Variants in PCDHGA2 observed in about 807,000 individuals in gnomAD.
PCDHGA2 encodes protocadherin gamma-A2.
PCDHGA2 carries 40 observed loss-of-function variants against 59.2 expected under a neutral mutation model. The observed-to-expected ratio is 0.68, with a 90% CI of 0.52 to 0.88. PCDHGA2 has a LOEUF of 0.88. PCDHGA2 is among the 40% of genes least tolerant of loss of function. The probability of loss-of-function intolerance (pLI) is 0.00; values close to 1 mark genes in which losing one functional copy is unlikely to be tolerated. For missense variants in PCDHGA2, 1,226 were observed against 1,204.0 expected, an observed-to-expected ratio of 1.02 and a Z score of -0.27; for synonymous variants, 560 against 526.0, an observed-to-expected ratio of 1.06 and a Z score of -0.89.
At chr5:141,399,581 A>G (rs375436846) in intron 1 of PCDHGA2, 20 of 1,613,788 alleles carry the variant, frequency 1.2e-5, no homozygotes, top group Non-Finnish European at 1.4e-5. Context: ...CAAGTCTCCT[A>G]CTCTATCATG....
At chr5:141,362,201 A>G in intron 1 of PCDHGA2, 7 of 1,613,962 alleles carry the variant, frequency 4.3e-6, no homozygotes, top group Non-Finnish European at 5.9e-6. Flanking sequence ...GCAAAACTGC[A>G]GTTTTACCTG....
intron 1 of PCDHGA2, chr5:141,396,409 A>C (rs2093377043): frequency 6.6e-6 from 1 of 152,270 alleles, no homozygotes; most frequent in Non-Finnish European, 1.5e-5. Context: ...ACCTGAGGTC[A>C]GGAGTTCAAG....
intron 1 of PCDHGA2, among the ~76,000 whole-genome samples, chr5:141,464,549 C>T (rs2099086404): frequency 6.6e-6 from 1 of 152,014 alleles, no homozygotes; most frequent in Non-Finnish European, 1.5e-5. Flanking sequence ...TAGCTATTCC[C>T]CATCTTGCAT....
At chr5:141,384,961 G>A (rs774549251) in intron 1 of PCDHGA2, 1 of 1,614,096 alleles carries the variant, frequency 6.2e-7, no homozygotes, top group South Asian at 1.1e-5. Context: ...TTACAACTAT[G>A]ACCTCACGTT....
chr5:141,497,986 G>T (rs1404550601), intron 2 of PCDHGA2, among the ~76,000 whole-genome samples: 1 of 152,176 alleles, frequency 6.6e-6, no homozygotes, highest in Non-Finnish European at 1.5e-5. Context: ...GGAGGCCCCT[G>T]CCCTCAAGGA....
intron 1 of PCDHGA2, among the ~76,000 whole-genome samples, chr5:141,445,119 T>C (rs975225604): frequency 1.3e-5 from 2 of 152,270 alleles, no homozygotes; most frequent in African/African-American, 4.8e-5. Context: ...TTGTAAATAG[T>C]ATTTTTAAAA....
chr5:141,398,009 C>G (rs1589315775), intron 1 of PCDHGA2: 1 of 1,400,564 alleles, frequency 7.1e-7, no homozygotes, highest in Non-Finnish European at 9.5e-7. Context: ...GAAAAAGAAT[C>G]GTTTCCTAAA....
intron 1 of PCDHGA2, among the ~76,000 whole-genome samples, chr5:141,463,179 A>G (rs1261927835): frequency 6.6e-6 from 1 of 152,082 alleles, no homozygotes; most frequent in Non-Finnish European, 1.5e-5. Context: ...GTATGCTCAG[A>G]TTATTATTTA....
In PCDHGA2 at chr5:141,432,927, G is replaced by T. The variant is rs774982939; in HGVS notation, c.2425-61880G>T. ...AGGCTGCGGCGCTGGCACAAGTCAC[G>T]CCTGCTGCAGGCTTCAGGAGGCGGC... is the stretch of plus-strand genomic sequence containing the variant. On this transcript the variant is annotated intron_variant, in intron 1 of 3. Coordinates refer to ENST00000394576, the MANE Select transcript of PCDHGA2 (RefSeq NM_018915.4). This position sits in a 1 kb window ranked among gnomAD's most constrained non-coding sequence, Gnocchi z 6.0. 1.9e-6 allele frequency: 3 copies of T among 1,614,162 alleles called. No homozygotes were observed. In the Admixed American group the frequency reaches 5.0e-5, roughly 27 times the overall value.
At chr5:141,450,754 C>G (rs192088793) in intron 1 of PCDHGA2, among the ~76,000 whole-genome samples, 1 of 150,996 alleles carries the variant, frequency 6.6e-6, no homozygotes, top group Non-Finnish European at 1.5e-5. Context: ...CCCAAAGTGC[C>G]GGGATTACAG....
chr5:141,505,402 T>G lies in PCDHGA2; in HGVS notation c.2493T>G (p.Asn831Lys), dbSNP rs1216666169. 1.9e-6 allele frequency: 3 copies of G among 1,614,014 alleles called. No homozygotes were observed. Among genetic ancestry groups the G allele is most frequent in the Non-Finnish European group, 2.5e-6 (3 of 1,180,034 alleles). Residue 831 changes from asparagine (N) to lysine (K), a missense_variant, in exon 3 of 4, where the codon AAT (asparagine) becomes AAG (lysine). Coordinates refer to ENST00000394576, the MANE Select transcript of PCDHGA2 (RefSeq NM_018915.4). The part of the protein sequence containing the change: ...AQRPGTSGSQ[N>K]GDDTGTWPNN... ...CCTACTCTCTCCCCAGCTCCCAAAA[T>G]GGCGATGACACCGGCACCTGGCCCA...
intron 1 of PCDHGA2, among the ~76,000 whole-genome samples, chr5:141,464,557 C>A (rs1342964264): frequency 6.6e-6 from 1 of 152,132 alleles, no homozygotes; most frequent in Non-Finnish European, 1.5e-5. Context: ...CCCCATCTTG[C>A]ATTCCTACAA....
intron 1 of PCDHGA2, chr5:141,409,251 C>T (rs2095247124): frequency 6.2e-7 from 1 of 1,613,922 alleles, no homozygotes; most frequent in Non-Finnish European, 8.5e-7. Context: ...ATAATCATCA[C>T]TTCTCTCTCT....
In PCDHGA2 at chr5:141,428,992, C is replaced by A. The variant is rs986416866; in HGVS notation, c.2425-65815C>A. The A allele has an allele frequency of 1.3e-4, 20 of 152,092 alleles. 1 individual carries two copies. Among genetic ancestry groups the A allele is most frequent in the Admixed American group, 1.2e-3 (18 of 15,248 alleles). 9.4% of individuals were successfully genotyped at this position (152,092 alleles called of 1,614,324 possible). On this transcript the variant is annotated intron_variant, in intron 1 of 3. Transcript: ENST00000394576. Reference sequence around the variant, plus strand: ...GCCTCAGCCTCCCGGGTAGCTGGGACTACAGGCGCCCGCCACCACGCCCGG... The same window carrying A: ...GCCTCAGCCTCCCGGGTAGCTGGGAATACAGGCGCCCGCCACCACGCCCGG...
chr5:141,384,354 C>T (rs1437330360), intron 1 of PCDHGA2: 13 of 1,613,844 alleles, frequency 8.1e-6, no homozygotes, highest in Non-Finnish European at 1.0e-5. Context: ...AGGATAATGC[C>T]CAGATCACTT....
intron 1 of PCDHGA2, chr5:141,350,198 G>A: frequency 7.0e-7 from 1 of 1,421,618 alleles, no homozygotes; most frequent in South Asian, 1.6e-5. Context: ...AGAAGTCCAG[G>A]GTGCTGCCAT....
At chr5:141,387,838 A>AG (rs2091116111) in intron 1 of PCDHGA2, 1 of 1,598,608 alleles carries the variant, frequency 6.3e-7, no homozygotes, top group African/African-American at 1.3e-5. Flanking sequence ...GGTTATTTGT[A>AG]ACCCGGCGTC....
chr5:141,357,077 T>C (rs1040495853), intron 1 of PCDHGA2: 1 of 1,613,842 alleles, frequency 6.2e-7, no homozygotes, highest in African/African-American at 1.3e-5. Flanking sequence ...ACAGGCGAGG[T>C]GCGCACCGCA....
intron 1 of PCDHGA2, chr5:141,393,007 G>C: frequency 6.2e-7 from 1 of 1,613,850 alleles, no homozygotes; most frequent in Non-Finnish European, 8.5e-7. Context: ...CACGGAGTCC[G>C]TATCGTCTCC....
Sources: gnomAD v4.1 joint callset for allele counts (sites outside exome capture counted in the v4.1 genomes callset) on GRCh38, gnomAD v4.1.1 for gene constraint, Gnocchi (gnomAD v3.1) non-coding constraint, MANE v1.5 for transcripts, NCBI Gene and HGNC (gene_info 2026-07-23, HGNC 2026-07-21) for gene names.